IL1RAPL1: variants seen among roughly 807,000 people sequenced by gnomAD.
IL1RAPL1 encodes the protein interleukin 1 receptor accessory protein like 1.
In IL1RAPL1, 3 loss-of-function variants were observed where a neutral mutation model predicts 48.4. That is an observed-to-expected ratio of 0.06 (90% CI 0.03 to 0.16). The LOEUF (loss-of-function observed/expected upper bound fraction) is 0.16. Ranked by LOEUF, IL1RAPL1 falls within the 10% of genes least tolerant of loss-of-function variation. The pLI is 1.00. For synonymous variants in IL1RAPL1, 185 were observed against 187.7 expected (o/e 0.99, Z 0.12); for missense variants, 349 against 530.6 (o/e 0.66, Z 3.36).
chrX:28,993,313 T>TA (rs1301673330), intron 2 of IL1RAPL1, among the ~76,000 whole-genome samples: 4 of 111,799 alleles, frequency 3.6e-5, no homozygotes, highest in Non-Finnish European at 5.6e-5. Context: ...CTATATGATA[T>TA]AAAAAATGGG....
At chrX:29,492,894 A>G (rs1043073874) in intron 5 of IL1RAPL1, among the ~76,000 whole-genome samples, 2 of 111,713 alleles carry the variant, frequency 1.8e-5, no homozygotes, top group Admixed American at 9.6e-5. Flanking sequence ...AACATGTGAC[A>G]TTAGTTAGGC....
chrX:28,938,461 C>T (rs1376765474), intron 2 of IL1RAPL1, among the ~76,000 whole-genome samples: 1 of 55,283 alleles, frequency 1.8e-5, no homozygotes, highest in Non-Finnish European at 2.9e-5. Context: ...AGATAACTGG[C>T]TAGCCACATC....
chrX:29,873,864 G>A (rs1931852089), intron 6 of IL1RAPL1, among the ~76,000 whole-genome samples: 1 of 111,595 alleles, frequency 9.0e-6, no homozygotes, highest in South Asian at 3.8e-4. Context: ...TATAGATAAG[G>A]GTAGTAGAGA....
chrX:28,744,024 A>G (rs999147700), intron 1 of IL1RAPL1, among the ~76,000 whole-genome samples: 48 of 111,118 alleles, frequency 4.3e-4, no homozygotes, highest in African/African-American at 1.2e-3. Flanking sequence ...AAAAATATTT[A>G]CTAGATCCTT....
intron 2 of IL1RAPL1, among the ~76,000 whole-genome samples, chrX:29,021,214 GGAAA>G (rs1189340469): frequency 1.9e-4 from 6 of 30,905 alleles, no homozygotes; most frequent in African/African-American, 8.4e-4. Flanking sequence ...TCCGTCTCAA[GGAAA>G]AAAAAAAAAA....
chrX:29,866,065 A>G (rs1258426156), intron 6 of IL1RAPL1, among the ~76,000 whole-genome samples: 1 of 111,596 alleles, frequency 9.0e-6, no homozygotes, highest in Non-Finnish European at 1.9e-5. Flanking sequence ...CAGAATTAAT[A>G]TAGAGCACTC....
chrX:29,936,198 A>C (rs909918143), intron 8 of IL1RAPL1, among the ~76,000 whole-genome samples: 1 of 110,574 alleles, frequency 9.0e-6, no homozygotes, highest in Non-Finnish European at 1.9e-5. Flanking sequence ...TCCTGCCAGG[A>C]ACAAATAAGT....
chrX:28,853,493 GCA>G (rs77109541), intron 2 of IL1RAPL1, among the ~76,000 whole-genome samples: 11,550 of 106,926 alleles, frequency 0.11, 542 homozygotes, highest in Middle Eastern at 0.28. Flanking sequence ...GTGTGCGCGC[GCA>G]CACACACACA....
intron 6 of IL1RAPL1, among the ~76,000 whole-genome samples, chrX:29,756,516 G>A (rs2147143236): frequency 9.0e-6 from 1 of 110,630 alleles, no homozygotes; most frequent in African/African-American, 3.3e-5. Context: ...AGGTTCAAGC[G>A]ATTCTCCTGT....
intron 6 of IL1RAPL1, among the ~76,000 whole-genome samples, chrX:29,696,686 G>T (rs1280103372): frequency 9.0e-6 from 1 of 111,691 alleles, no homozygotes; most frequent in Non-Finnish European, 1.9e-5. Context: ...CTTGGTTTGA[G>T]AAAGGAGCAA....
At chrX:28,874,967 A>G (rs953668153) in intron 2 of IL1RAPL1, among the ~76,000 whole-genome samples, 4 of 111,884 alleles carry the variant, frequency 3.6e-5, no homozygotes, top group African/African-American at 1.3e-4. Context: ...TGATTTCTCT[A>G]CTTATTGATG....
At chrX:29,480,020 C>G (rs1330669451) in intron 5 of IL1RAPL1, among the ~76,000 whole-genome samples, 1 of 105,527 alleles carries the variant, frequency 9.5e-6, no homozygotes, top group Non-Finnish European at 1.9e-5. Flanking sequence ...TTTTTTTTTT[C>G]CTTTGGGTAG....
At chrX:29,590,660 C>T (rs776679382) in intron 5 of IL1RAPL1, among the ~76,000 whole-genome samples, 3 of 111,783 alleles carry the variant, frequency 2.7e-5, no homozygotes, top group Non-Finnish European at 5.6e-5. Flanking sequence ...GTAACAGGGG[C>T]TCATCCAAGG....
At chrX:29,277,455 G>C (rs1342904764) in intron 2 of IL1RAPL1, among the ~76,000 whole-genome samples, 1 of 112,279 alleles carries the variant, frequency 8.9e-6, no homozygotes, top group Non-Finnish European at 1.9e-5. Flanking sequence ...ATTGTTCAGA[G>C]AAAATTAACC....
chrX:29,148,485 A>G (rs753067710), intron 2 of IL1RAPL1, among the ~76,000 whole-genome samples: 1 of 112,221 alleles, frequency 8.9e-6, no homozygotes, highest in South Asian at 3.7e-4. Flanking sequence ...GTCAATCATT[A>G]GGTGAAGATG....
intron 6 of IL1RAPL1, among the ~76,000 whole-genome samples, chrX:29,682,378 T>C (rs1176917832): frequency 8.1e-5 from 9 of 111,015 alleles, no homozygotes; most frequent in Non-Finnish European, 1.7e-4. Context: ...CATTTGTACA[T>C]GCTATGCCCA....
intron 2 of IL1RAPL1, among the ~76,000 whole-genome samples, chrX:28,791,089 A>T (rs1019305536): frequency 3.6e-5 from 4 of 111,666 alleles, no homozygotes; most frequent in African/African-American, 1.3e-4. Flanking sequence ...ACCACTAATT[A>T]TATAAAATCT....
chrX:29,408,727 A>C (rs943260468), intron 5 of IL1RAPL1, among the ~76,000 whole-genome samples: 1 of 112,151 alleles, frequency 8.9e-6, no homozygotes, highest in African/African-American at 3.2e-5. Context: ...CGCTCTCAAA[A>C]GGTACATCTT....
chrX:29,687,148 G>A (rs1018192891), intron 6 of IL1RAPL1, among the ~76,000 whole-genome samples: 3 of 111,369 alleles, frequency 2.7e-5, no homozygotes, highest in African/African-American at 9.8e-5. Flanking sequence ...TCCTACTACT[G>A]GATAGCTATC....
Sources: allele counts gnomAD v4.1 joint callset (sites outside exome capture counted in the v4.1 genomes callset), GRCh38; gene constraint gnomAD v4.1.1; transcripts MANE v1.5; gene names NCBI Gene and HGNC (gene_info 2026-07-23, HGNC 2026-07-21).